SPECC1: variants seen among roughly 807,000 people sequenced by gnomAD.
SPECC1 encodes the protein sperm antigen with calponin homology and coiled-coil domains 1, also known as cytospin-B.
Under a neutral mutation model 104.1 loss-of-function variants are expected in SPECC1, and 62 were observed. The ratio of observed to expected loss-of-function variants is 0.60; its 90% CI spans 0.49 to 0.74. The LOEUF (loss-of-function observed/expected upper bound fraction) is 0.74, where lower values mean the gene tolerates loss of function less well. Ranked by LOEUF, SPECC1 falls within the 30% of genes least tolerant of loss-of-function variation. The pLI is 0.00. For missense variants in SPECC1, 1,306 were observed against 1,310.5 expected, an observed-to-expected ratio of 1.00 and a Z score of 0.05; for synonymous variants, 513 against 501.6, an observed-to-expected ratio of 1.02 and a Z score of -0.30.
At chr17:20,031,965 T>C (rs1400855170) in intron 1 of SPECC1, among the ~76,000 whole-genome samples, 2 of 152,244 alleles carry the variant, frequency 1.3e-5, no homozygotes, top group Non-Finnish European at 2.9e-5. Context: ...AACATGGATG[T>C]ACAAATAACT....
intron 3 of SPECC1, among the ~76,000 whole-genome samples, chr17:20,160,886 A>G (rs761295690): frequency 9.9e-5 from 15 of 152,218 alleles, no homozygotes; most frequent in Non-Finnish European, 2.1e-4. Flanking sequence ...CGTTTCTGCA[A>G]GTCATACTTA....
chr17:20,074,045 A>G (rs1047716736), intron 1 of SPECC1, among the ~76,000 whole-genome samples: 1 of 152,212 alleles, frequency 6.6e-6, no homozygotes, highest in Non-Finnish European at 1.5e-5. Context: ...ACTAATTAGT[A>G]GCAGCGTGGA....
At chr17:20,246,218 A>G (rs749146558) in intron 8 of SPECC1, 147 bp downstream of exon 8, 18 of 898,956 alleles carry the variant, frequency 2.0e-5, no homozygotes, top group Middle Eastern at 7.0e-4. Context: ...CAGCCACTGC[A>G]TGCAGGAGCC....
chr17:20,172,049 G>A (rs944802009), intron 3 of SPECC1, among the ~76,000 whole-genome samples: 4 of 152,246 alleles, frequency 2.6e-5, no homozygotes, highest in Non-Finnish European at 4.4e-5. Flanking sequence ...TCCTTTTCCC[G>A]CTGATGACAT....
chr17:20,045,070 G>A (rs1011011041), intron 1 of SPECC1, among the ~76,000 whole-genome samples: 10 of 152,226 alleles, frequency 6.6e-5, no homozygotes, highest in Non-Finnish European at 1.2e-4. Flanking sequence ...ATTACAAGCA[G>A]TATAGATATA....
intron 2 of SPECC1, among the ~76,000 whole-genome samples, chr17:20,104,792 G>C (rs1020408835): frequency 6.7e-6 from 1 of 149,736 alleles, no homozygotes; most frequent in African/African-American, 2.5e-5. Flanking sequence ...TTTTGGAGGT[G>C]AGGAGACTGA....
chr17:20,310,845 T>A (rs755389737), intron 14 of SPECC1, among the ~76,000 whole-genome samples: 3 of 152,216 alleles, frequency 2.0e-5, no homozygotes, highest in Non-Finnish European at 4.4e-5. Flanking sequence ...CTTGATTGTG[T>A]GACAAGCATT....
chr17:20,307,180 A>AAATATAG, intron 14 of SPECC1, among the ~76,000 whole-genome samples: 1 of 152,230 alleles, frequency 6.6e-6, no homozygotes, highest in East Asian at 1.9e-4. Context: ...ATAAAATATA[A>AAATATAG]TGGTAAGGTT....
intron 14 of SPECC1, among the ~76,000 whole-genome samples, chr17:20,308,709 G>A (rs951849340): frequency 2.6e-5 from 4 of 152,072 alleles, no homozygotes; most frequent in Admixed American, 2.0e-4. Context: ...TCTTTAAGAC[G>A]CAGATATCCC....
At chr17:20,023,906 A>T (rs974432111) in intron 1 of SPECC1, among the ~76,000 whole-genome samples, 67 of 152,294 alleles carry the variant, frequency 4.4e-4, no homozygotes, top group Non-Finnish European at 8.7e-4. Context: ...TGGAAATTTT[A>T]AAAAAATGAA....
chr17:20,208,298 C>T lies in SPECC1; in HGVS notation c.1863+2386C>T, dbSNP rs566036957. ...CACATAGGGTTTCTTGTATATCTAT[C>T]AAGACCCTAGGTTTGTGATTTTGTG... is the stretch of plus-strand genomic sequence containing the variant. On this transcript the variant is annotated intron_variant, in intron 4 of 14. Coordinates refer to ENST00000395527, the MANE Select transcript of SPECC1 (RefSeq NM_001243439.2). Among the ~76,000 whole-genome samples, 7 of 152,314 alleles carry T rather than the reference C, an allele frequency of 4.6e-5. No homozygotes were observed. The South Asian group carries it at 1.4e-3, about 32-fold the overall frequency.
At chr17:20,112,897 T>C in intron 3 of SPECC1, 7 of 1,565,912 alleles carry the variant, frequency 4.5e-6, no homozygotes, top group Non-Finnish European at 6.2e-6. Context: ...CTGGGTGTGA[T>C]CTTCAAGAAG....
chr17:20,129,793 G>C (rs1317365371), intron 3 of SPECC1, among the ~76,000 whole-genome samples: 1 of 151,562 alleles, frequency 6.6e-6, no homozygotes, highest in Non-Finnish European at 1.5e-5. Context: ...TAACTCTGTT[G>C]CCCAGGCTGG....
rs1034873114 is a variant in SPECC1 at position 20,150,577 on chromosome 17, T to G, written c.283+40015T>G. Among the ~76,000 whole-genome samples the G allele has an allele frequency of 7.9e-5, 12 of 151,228 alleles. No homozygotes were observed. In the East Asian group the frequency reaches 1.4e-3, roughly 17 times the overall value. On this transcript the variant is annotated intron_variant, in intron 3 of 14. Transcript: ENST00000395527. ...TCGCTTGAACTCGGGAGGCGGAGGT[T>G]GCAGTGAGCCGAGATCGCACCACTG...
chr17:20,271,215 AT>A (rs576623670), intron 12 of SPECC1, among the ~76,000 whole-genome samples: 11 of 148,370 alleles, frequency 7.4e-5, no homozygotes, highest in South Asian at 2.1e-4. Flanking sequence ...CACCTTGCTG[AT>A]TTTTTTTTTG....
intron 12 of SPECC1, among the ~76,000 whole-genome samples, chr17:20,273,284 G>A (rs1203568577): frequency 6.6e-6 from 1 of 152,164 alleles, no homozygotes; most frequent in Non-Finnish European, 1.5e-5. Context: ...AGGAGTTCAA[G>A]ACCAGGCTGG....
At chr17:20,011,466 G>A (rs2043940478) in intron 1 of SPECC1, among the ~76,000 whole-genome samples, 1 of 151,846 alleles carries the variant, frequency 6.6e-6, no homozygotes, top group Non-Finnish European at 1.5e-5. Context: ...ATATCTGTAT[G>A]TATCTGTATG....
At chr17:20,105,407 T>G (rs1396520393) in intron 2 of SPECC1, among the ~76,000 whole-genome samples, 2 of 152,178 alleles carry the variant, frequency 1.3e-5, no homozygotes, top group Non-Finnish European at 2.9e-5. Flanking sequence ...ACCTGGGTCA[T>G]ATAGGTAGGA....
chr17:20,316,759 G>A lies in SPECC1; in HGVS notation c.*2694G>A, dbSNP rs1027257701. 3.1e-5 allele frequency: 6 copies of A among 196,500 alleles called. No homozygotes were observed. In the South Asian group the frequency reaches 5.8e-4, roughly 19 times the overall value. 12.2% of individuals were successfully genotyped at this position (196,500 alleles called of 1,614,324 possible). On this transcript the variant is annotated 3_prime_UTR_variant, in exon 15 of 15. Coordinates refer to ENST00000395527, the MANE Select transcript of SPECC1 (RefSeq NM_001243439.2). ...TCGCCCAGGCTGGAGTGCCAGTGGCGCGATTTCAGCTCACTCAGGAGTGAG... is the reference window on the plus strand; with the variant it reads ...TCGCCCAGGCTGGAGTGCCAGTGGCACGATTTCAGCTCACTCAGGAGTGAG...
Sources: allele counts gnomAD v4.1 joint callset (sites outside exome capture counted in the v4.1 genomes callset), GRCh38; gene constraint gnomAD v4.1.1; transcripts MANE v1.5; gene names NCBI Gene and HGNC (gene_info 2026-07-23, HGNC 2026-07-21).